The following HIVEP2 variants were observed in gnomAD, a reference collection of about 807,000 sequenced individuals.
HIVEP2 encodes the protein transcription factor HIVEP2.
A neutral mutation model predicts 180.7 loss-of-function variants in HIVEP2; 14 were observed. The observed-to-expected ratio is 0.08, with a 90% CI of 0.05 to 0.12. The LOEUF is 0.12. HIVEP2 is among the 10% of genes least tolerant of loss of function. The pLI is 1.00. For synonymous variants in HIVEP2, 1,184 were observed against 1,136.4 expected (o/e 1.04, Z -0.84); for missense variants, 2,579 against 3,008.5 (o/e 0.86, Z 3.34).
chr6:142,945,495 C>A (rs1778304619), upstream of HIVEP2, among the ~76,000 whole-genome samples: 1 of 152,154 alleles, frequency 6.6e-6, no homozygotes, highest in East Asian at 1.9e-4. This position sits in a 1 kb window ranked among gnomAD's most constrained non-coding sequence, Gnocchi z 5.5. Flanking sequence ...ACTTACCGAG[C>A]CGAGGAGGGA....
intron 1 of HIVEP2, among the ~76,000 whole-genome samples, chr6:142,853,818 G>T (rs1350928353): frequency 6.6e-6 from 1 of 152,186 alleles, no homozygotes; most frequent in East Asian, 1.9e-4. Context: ...GGCATTGGTA[G>T]CAGCAGAGAT....
Position 142,772,580 on chromosome 6 carries a change from G to A in HIVEP2, c.2159C>T (p.Pro720Leu). 1 of 1,614,204 alleles carries A rather than the reference G, an allele frequency of 6.2e-7. No individual in the cohort carries two copies. The highest frequency in any genetic ancestry group is 8.5e-7 in the Non-Finnish European group (1 of 1,180,046). ...ATAATCGGAAGCCATGATGCCCACA[G>A]GAGTGCTTACAATGCTGCTGCAGAT... ...PMICSSIVSTPVGIMASDYDP... is the reference protein window; with the variant it reads ...PMICSSIVSTLVGIMASDYDP... The change falls in exon 5 of 10, where the codon CCT (proline) becomes CTT (leucine). Residue 720 changes from proline (P) to leucine (L), a missense_variant. Physicochemically the swap from Pro to Leu is moderately conservative, Grantham distance 98. Coordinates refer to ENST00000367603, the MANE Select transcript of HIVEP2 (RefSeq NM_006734.4). The surrounding 1 kb of genome is among the most constrained non-coding windows in gnomAD (Gnocchi z 4.9).
chr6:142,900,051 A>G (rs943731296), intron 1 of HIVEP2, among the ~76,000 whole-genome samples: 2 of 152,222 alleles, frequency 1.3e-5, no homozygotes, highest in Non-Finnish European at 2.9e-5. Flanking sequence ...AATGTTAACA[A>G]TAAATCTTAA....
At chr6:142,867,611 AT>A (rs1204360314) in intron 1 of HIVEP2, among the ~76,000 whole-genome samples, 10 of 152,190 alleles carry the variant, frequency 6.6e-5, no homozygotes, top group Non-Finnish European at 1.2e-4. Flanking sequence ...AGAAAGTGAC[AT>A]AAATACAGAG....
intron 2 of HIVEP2, among the ~76,000 whole-genome samples, chr6:142,818,774 AAAGAAAG>A (rs1263007754): frequency 2.7e-5 from 4 of 148,534 alleles, no homozygotes; most frequent in Non-Finnish European, 5.9e-5. Context: ...AGAAAGAAAG[AAAGAAAG>A]AAAGAAAGAA....
chr6:142,799,745 C>T (rs1776361549), intron 2 of HIVEP2, among the ~76,000 whole-genome samples: 1 of 152,068 alleles, frequency 6.6e-6, no homozygotes, highest in African/African-American at 2.4e-5. Flanking sequence ...GGTAGAATAG[C>T]AAACTAGTGA....
At chr6:142,905,418 C>T (rs1001343770) in intron 1 of HIVEP2, among the ~76,000 whole-genome samples, 8 of 152,082 alleles carry the variant, frequency 5.3e-5, no homozygotes, top group African/African-American at 1.9e-4. Context: ...TGCAAACGAC[C>T]GGTGAGTTGA....
rs1419029932 is a variant in HIVEP2, at chr6:142,943,606, G to A, written c.-641+1493C>T. Among the ~76,000 whole-genome samples the A allele has an allele frequency of 6.6e-6, 1 of 152,146 alleles. No individual in the cohort carries two copies. The highest frequency in any genetic ancestry group is 1.5e-5 in the Non-Finnish European group (1 of 68,030). ...CACAGATCTCTTGTGAATTATTGAG[G>A]TCCAGCTTTAGGGTTGGGGGCGAGT... On this transcript the variant is annotated intron_variant, in intron 1 of 9. Coordinates refer to ENST00000367603, the MANE Select transcript of HIVEP2 (RefSeq NM_006734.4). The surrounding 1 kb of genome is among the most constrained non-coding windows in gnomAD (Gnocchi z 4.5).
At chr6:142,848,777 C>T (rs1775578493) in intron 1 of HIVEP2, among the ~76,000 whole-genome samples, 1 of 151,952 alleles carries the variant, frequency 6.6e-6, no homozygotes, top group Non-Finnish European at 1.5e-5. Flanking sequence ...CATTCTGATG[C>T]TTTTGAAATA....
At chr6:142,865,262 T>C (rs1006475913) in intron 1 of HIVEP2, among the ~76,000 whole-genome samples, 6 of 152,174 alleles carry the variant, frequency 3.9e-5, no homozygotes, top group Non-Finnish European at 8.8e-5. Flanking sequence ...TTGTTTTCTA[T>C]TGTGCTTCTA....
At chr6:142,939,082 G>A (rs530166079) in intron 1 of HIVEP2, among the ~76,000 whole-genome samples, 41 of 151,822 alleles carry the variant, frequency 2.7e-4, no homozygotes, top group Admixed American at 7.2e-4. Context: ...AATATATTCC[G>A]TAGTAAAAAA....
intron 1 of HIVEP2, among the ~76,000 whole-genome samples, chr6:142,887,972 A>AC: frequency 6.6e-6 from 1 of 151,904 alleles, no homozygotes; most frequent in East Asian, 1.9e-4. Flanking sequence ...AAAAAAAAAA[A>AC]AATTGCTTTT....
intron 2 of HIVEP2, among the ~76,000 whole-genome samples, chr6:142,809,495 C>T (rs1776636351): frequency 6.6e-6 from 1 of 152,156 alleles, no homozygotes; most frequent in African/African-American, 2.4e-5. Flanking sequence ...TATTCCAGAA[C>T]AGTATTTGGC....
chr6:142,800,295 A>T (rs371322200), intron 2 of HIVEP2, among the ~76,000 whole-genome samples: 2 of 152,294 alleles, frequency 1.3e-5, no homozygotes, highest in African/African-American at 4.8e-5. Flanking sequence ...ATTAGTCATT[A>T]TTAACACTTA....
Position 142,776,844 on chromosome 6 carries a change from GT to G in HIVEP2, c.-432-654del, listed in dbSNP as rs200557648. ...CACCTCGCCTGGATGAAAATAGTGG[GT>G]TTTTTTTTCTGATAGGTTTGAATGT... On this transcript the variant is annotated intron_variant, in intron 3 of 9. Transcript: ENST00000367603. Among the ~76,000 whole-genome samples the G allele has an allele frequency of 5.3e-5, 8 of 151,204 alleles. No homozygotes were observed. In the East Asian group the frequency reaches 7.7e-4, roughly 15 times the overall value.
At chr6:142,899,315 C>T (rs768653584) in intron 1 of HIVEP2, among the ~76,000 whole-genome samples, 1 of 152,240 alleles carries the variant, frequency 6.6e-6, no homozygotes, top group Non-Finnish European at 1.5e-5. Flanking sequence ...AGCTCAAGCA[C>T]TTAGTCCTCT....
chr6:142,927,308 C>A lies in HIVEP2; in HGVS notation c.-641+17791G>T, dbSNP rs78487076. On this transcript the variant is annotated intron_variant, in intron 1 of 9. Transcript: ENST00000367603. ...CTCAGCGTAATTTTGAACGCAGTTT[C>A]CCTAAAGATGACTCTTTTTTCCACT... 0.011 allele frequency among the ~76,000 whole-genome samples: 1,750 copies of A among 152,344 alleles called. 84 individuals carry two copies. In the East Asian group the frequency reaches 0.17, roughly 15 times the overall value.
chr6:142,763,132 C>T (rs1013090858), intron 7 of HIVEP2, among the ~76,000 whole-genome samples: 7 of 152,168 alleles, frequency 4.6e-5, no homozygotes, highest in African/African-American at 1.7e-4. Context: ...GATAGTCAGG[C>T]TTTAGACTCC....
intron 1 of HIVEP2, among the ~76,000 whole-genome samples, chr6:142,864,526 T>C (rs1164930882): frequency 6.6e-6 from 1 of 152,202 alleles, no homozygotes; most frequent in Non-Finnish European, 1.5e-5. Context: ...GAAAACTGTT[T>C]ATACGTTTAG....
Sources: allele counts gnomAD v4.1 joint callset (sites outside exome capture counted in the v4.1 genomes callset), GRCh38; gene constraint gnomAD v4.1.1; non-coding constraint Gnocchi (gnomAD v3.1); transcripts MANE v1.5; gene names NCBI Gene and HGNC (gene_info 2026-07-23, HGNC 2026-07-21).